PTH2R: variants seen among roughly 807,000 people sequenced by gnomAD.
PTH2R encodes parathyroid hormone 2 receptor.
Under a neutral mutation model 60.3 loss-of-function variants are expected in PTH2R, and 59 were observed. That is an observed-to-expected ratio of 0.98 (90% CI 0.79 to 1.22). The LOEUF is 1.22. Ranked by LOEUF, PTH2R falls within the 50% of genes most tolerant of loss-of-function variation. PTH2R has a pLI of 0.00. For synonymous variants in PTH2R, 256 were observed against 243.8 expected, an observed-to-expected ratio of 1.05 and a Z score of -0.47; for missense variants, 749 against 682.6, an observed-to-expected ratio of 1.10 and a Z score of -1.08.
intron 4 of PTH2R, 143 bp downstream of exon 4, chr2:208,438,024 C>A: frequency 9.0e-7 from 1 of 1,113,798 alleles, no homozygotes; most frequent in Middle Eastern, 3.1e-4. Context: ...ATGTTGCAAT[C>A]TTTTCAGATG....
intron 9 of PTH2R, among the ~76,000 whole-genome samples, chr2:208,480,273 T>C (rs925461568): frequency 1.3e-5 from 2 of 152,232 alleles, no homozygotes; most frequent in African/African-American, 4.8e-5. Flanking sequence ...AAGTGCCTAC[T>C]GTTGGCAATC....
At chr2:208,456,003 C>G (rs1170263428) in intron 8 of PTH2R, among the ~76,000 whole-genome samples, 1 of 152,050 alleles carries the variant, frequency 6.6e-6, no homozygotes, top group Non-Finnish European at 1.5e-5. Context: ...CTTTGGGAGG[C>G]CAAAGCAGGC....
intron 1 of PTH2R, among the ~76,000 whole-genome samples, chr2:208,417,731 A>G (rs190390507): frequency 2.4e-3 from 372 of 152,014 alleles, no homozygotes; most frequent in African/African-American, 8.6e-3. Context: ...GTGGGAATCT[A>G]TGGTCTAACA....
intron 9 of PTH2R, among the ~76,000 whole-genome samples, chr2:208,476,923 G>A (rs1028308788): frequency 6.6e-6 from 1 of 152,186 alleles, no homozygotes; most frequent in African/African-American, 2.4e-5. Context: ...TGGAGACGCT[G>A]CAGAGAAAGT....
At chr2:208,379,896 G>A (rs1251711376) in intron 1 of PTH2R, among the ~76,000 whole-genome samples, 3 of 151,668 alleles carry the variant, frequency 2.0e-5, no homozygotes, top group African/African-American at 7.3e-5. Flanking sequence ...GTTTGTGAAG[G>A]TGTGTTACAC....
At chr2:208,488,501 T>C (rs1703323654) in intron 10 of PTH2R, among the ~76,000 whole-genome samples, 2 of 152,154 alleles carry the variant, frequency 1.3e-5, no homozygotes, top group Non-Finnish European at 2.9e-5. Context: ...TACAACTTTA[T>C]GTAAATAGAC....
At chr2:208,448,301 A>G (rs1702331058) in intron 7 of PTH2R, among the ~76,000 whole-genome samples, 1 of 152,166 alleles carries the variant, frequency 6.6e-6, no homozygotes, top group Non-Finnish European at 1.5e-5. Context: ...CATATGTATC[A>G]TATTCAACAT....
chr2:208,488,550 T>C (rs760520576), intron 10 of PTH2R, among the ~76,000 whole-genome samples: 3 of 151,816 alleles, frequency 2.0e-5, no homozygotes, highest in African/African-American at 7.3e-5. Flanking sequence ...ACTGGAGAGA[T>C]TTAGGGGCTA....
At chr2:208,484,681 T>G (rs1703231793) in intron 10 of PTH2R, among the ~76,000 whole-genome samples, 2 of 152,208 alleles carry the variant, frequency 1.3e-5, no homozygotes, top group Non-Finnish European at 2.9e-5. Context: ...CATTTAATGT[T>G]AGACAAAACT....
intron 1 of PTH2R, among the ~76,000 whole-genome samples, chr2:208,365,929 AATATATATATATATAT>A (rs1224025157): frequency 3.9e-4 from 17 of 43,736 alleles, no homozygotes; most frequent in Non-Finnish European, 6.2e-4. Context: ...ATAATAGATA[AATATATATATATATAT>A]ATATATATAT....
At chr2:208,431,345 A>G (rs1816612) in intron 2 of PTH2R, among the ~76,000 whole-genome samples, 11,831 of 152,108 alleles carry the variant, frequency 0.078, 507 homozygotes, top group African/African-American at 0.084. Flanking sequence ...GCTGCATATG[A>G]TAATTGTAAT....
rs1442166945 is a variant in PTH2R at position 208,365,981 on chromosome 2, T to A, written c.-259+5744T>A. 3.1e-3 allele frequency among the ~76,000 whole-genome samples: 307 copies of A among 98,642 alleles called. 2 individuals are homozygous for A. Among genetic ancestry groups the A allele is most frequent in the Non-Finnish European group, 4.0e-3 (192 of 48,602 alleles). The allele number at this position is 98,642 out of a possible 152,430, so 64.7% of individuals were successfully genotyped here. On this transcript the variant is annotated intron_variant, in intron 1 of 12. Transcript: ENST00000617735. Reference sequence around the variant, plus strand: ...ATATATTTTTTTTTTTTTTTTTTTTTTTTTTTTTTTTTTTTGCAGAGACAA... The same window carrying A: ...ATATATTTTTTTTTTTTTTTTTTTTATTTTTTTTTTTTTTTGCAGAGACAA...
At chr2:208,368,936 C>T (rs1259318683) in intron 1 of PTH2R, among the ~76,000 whole-genome samples, 1 of 152,156 alleles carries the variant, frequency 6.6e-6, no homozygotes, top group Non-Finnish European at 1.5e-5. Flanking sequence ...GATTTGGCTT[C>T]ACAGATGGCA....
chr2:208,426,482 A>T (rs1015469916), intron 1 of PTH2R, among the ~76,000 whole-genome samples: 2 of 152,098 alleles, frequency 1.3e-5, no homozygotes, highest in African/African-American at 4.8e-5. Flanking sequence ...ACAAGTACTT[A>T]TTTGCTTTTA....
At chr2:208,447,295 A>C (rs1702305619) in intron 7 of PTH2R, among the ~76,000 whole-genome samples, 1 of 151,980 alleles carries the variant, frequency 6.6e-6, no homozygotes, top group Non-Finnish European at 1.5e-5. Context: ...TCTTAAAAAT[A>C]AATTGGAAGG....
intron 7 of PTH2R, 52 bp from the exon 8 acceptor site, chr2:208,450,697 A>C: frequency 6.4e-7 from 1 of 1,572,682 alleles, no homozygotes; most frequent in Middle Eastern, 1.7e-4. Flanking sequence ...TGAGGAAAAA[A>C]CCTCCTTAAT....
chr2:208,371,934 T>A (rs1700709658), intron 1 of PTH2R, among the ~76,000 whole-genome samples: 1 of 152,082 alleles, frequency 6.6e-6, no homozygotes, highest in South Asian at 2.1e-4. Context: ...CACTGATTGA[T>A]TGATTGAGAT....
At chr2:208,454,263 G>C (rs1188146315) in intron 8 of PTH2R, among the ~76,000 whole-genome samples, 2 of 152,158 alleles carry the variant, frequency 1.3e-5, no homozygotes, top group African/African-American at 4.8e-5. Context: ...TCATGGTCAA[G>C]CTTATTGCTA....
chr2:208,390,159 A>G (rs1384744973), intron 1 of PTH2R, among the ~76,000 whole-genome samples: 4 of 152,198 alleles, frequency 2.6e-5, no homozygotes, highest in Non-Finnish European at 1.5e-5. Flanking sequence ...GTGTGATGTT[A>G]CAATATCTGA....
Sources: allele counts gnomAD v4.1 joint callset (sites outside exome capture counted in the v4.1 genomes callset), GRCh38; gene constraint gnomAD v4.1.1; transcripts MANE v1.5; gene names NCBI Gene and HGNC (gene_info 2026-07-23, HGNC 2026-07-21).